ITCH: variants seen among roughly 807,000 people sequenced by gnomAD.
ITCH encodes itchy E3 ubiquitin protein ligase.
Under a neutral mutation model 126.8 loss-of-function variants are expected in ITCH, and 28 were observed. The ratio of observed to expected loss-of-function variants is 0.22; its 90% CI spans 0.16 to 0.30. ITCH has a LOEUF of 0.30. ITCH is among the 10% of genes least tolerant of loss of function. ITCH has a pLI of 1.00. For synonymous variants in ITCH, 342 were observed against 340.0 expected (o/e 1.01, Z -0.06); for missense variants, 631 against 1,032.4 (o/e 0.61, Z 5.33).
chr20:34,456,521 A>C (rs941115536), intron 12 of ITCH, among the ~76,000 whole-genome samples: 10 of 148,562 alleles, frequency 6.7e-5, no homozygotes, highest in Non-Finnish European at 1.3e-4. Flanking sequence ...CAAGTTGTAC[A>C]AGTTGTGGGG....
At chr20:34,439,769 T>C (rs1156672492) in intron 8 of ITCH, among the ~76,000 whole-genome samples, 1 of 152,210 alleles carries the variant, frequency 6.6e-6, no homozygotes, top group Admixed American at 6.5e-5. Context: ...ACATCAAAAA[T>C]TGGTCTGTAA....
intron 12 of ITCH, among the ~76,000 whole-genome samples, chr20:34,453,764 C>T (rs1178936996): frequency 3.9e-5 from 6 of 151,976 alleles, no homozygotes; most frequent in Non-Finnish European, 7.4e-5. Flanking sequence ...GAGGTCGAGG[C>T]GGGTGAATCA....
At chr20:34,449,340 G>C in intron 11 of ITCH, 71 bp from the exon 12 acceptor site, 1 of 889,136 alleles carries the variant, frequency 1.1e-6, no homozygotes, top group Non-Finnish European at 1.9e-6. Context: ...AGGGAAATCA[G>C]AACTCATAAG....
At chr20:34,399,928 T>TA (rs1441262965) in intron 3 of ITCH, among the ~76,000 whole-genome samples, 3 of 151,568 alleles carry the variant, frequency 2.0e-5, no homozygotes, top group African/African-American at 7.3e-5. Flanking sequence ...CTTGACTAAT[T>TA]AAAAAAAATT....
intron 6 of ITCH, among the ~76,000 whole-genome samples, chr20:34,416,771 A>C (rs1211218027): frequency 6.6e-6 from 1 of 151,782 alleles, no homozygotes; most frequent in Admixed American, 6.6e-5. Context: ...CCTACTTTCA[A>C]CTAGTTTAAT....
chr20:34,364,996 T>A (rs2037364320), intron 1 of ITCH, among the ~76,000 whole-genome samples: 1 of 151,344 alleles, frequency 6.6e-6, no homozygotes. Flanking sequence ...GCCCAGGAAT[T>A]GGAGATCAGC....
chr20:34,401,674 G>C, intron 3 of ITCH: 3 of 969,592 alleles, frequency 3.1e-6, no homozygotes, highest in Non-Finnish European at 3.7e-6. Flanking sequence ...GAATCAATCG[G>C]TCCTCCTCAC....
chr20:34,471,715 T>TGTGTGTGTG (rs1568979002), intron 16 of ITCH, among the ~76,000 whole-genome samples, 200 bp downstream of exon 16: 3 of 146,944 alleles, frequency 2.0e-5, no homozygotes, highest in South Asian at 2.2e-4. Context: ...TGTGTGTGTG[T>TGTGTGTGTG]TTCAGGTTTC....
chr20:34,420,875 C>T (rs1215455445), intron 6 of ITCH, among the ~76,000 whole-genome samples: 2 of 152,162 alleles, frequency 1.3e-5, no homozygotes, highest in African/African-American at 4.8e-5. Context: ...ATTTCTTTTG[C>T]TTCTGCTAGT....
intron 11 of ITCH, among the ~76,000 whole-genome samples, chr20:34,447,249 A>G (rs1743934298): frequency 1.3e-5 from 2 of 151,084 alleles, no homozygotes; most frequent in Admixed American, 1.3e-4. Context: ...AATCTGAACA[A>G]TTTTCTGAAA....
chr20:34,443,632 T>A (rs143091882), intron 10 of ITCH, among the ~76,000 whole-genome samples: 3 of 152,282 alleles, frequency 2.0e-5, no homozygotes, highest in African/African-American at 7.2e-5. Context: ...GAAAAGGTAC[T>A]GTTTTAGTTA....
intron 12 of ITCH, among the ~76,000 whole-genome samples, chr20:34,454,800 T>G (rs1264275863): frequency 1.3e-5 from 2 of 151,190 alleles, no homozygotes; most frequent in Admixed American, 1.3e-4. Context: ...TTACCAATTT[T>G]TCTTTTTTCT....
chr20:34,413,557 T>C (rs1045383408), intron 5 of ITCH, among the ~76,000 whole-genome samples, 185 bp from the exon 6 acceptor site: 1 of 152,194 alleles, frequency 6.6e-6, no homozygotes, highest in African/African-American at 2.4e-5. Flanking sequence ...TTGTCCTTTT[T>C]AAAAGATACA....
rs1986466365 is a variant in ITCH at position 34,461,160 on chromosome 20, A to T, written c.1296-933A>T. On this transcript the variant is annotated intron_variant, in intron 13 of 24. Coordinates refer to ENST00000374864, the MANE Select transcript of ITCH (RefSeq NM_031483.7). ...GCTGAGTGGCCTACACTGTGAAATCATGGGATTCATGAAAGGGAGTTAGAG... is the reference window on the plus strand; with the variant it reads ...GCTGAGTGGCCTACACTGTGAAATCTTGGGATTCATGAAAGGGAGTTAGAG... Among the ~76,000 whole-genome samples, 3 of 152,202 alleles carry T rather than the reference A, an allele frequency of 2.0e-5. No individual in the cohort carries two copies. In the South Asian group the frequency reaches 6.2e-4, roughly 32 times the overall value.
chr20:34,479,292 T>A (rs1042103646), intron 17 of ITCH, among the ~76,000 whole-genome samples: 16 of 152,246 alleles, frequency 1.1e-4, no homozygotes, highest in Non-Finnish European at 1.3e-4. Context: ...TTTCATTGAT[T>A]CTAAGACTAA....
chr20:34,440,137 T>TC lies in ITCH; in HGVS notation c.680-14dup. ...AAAATGAAAGATTCTTTTCCTATTT[T>TC]CCCCAAATCTTTTATAGCATCTGTC... is the stretch of plus-strand genomic sequence containing the variant. On this transcript the variant is annotated splice_polypyrimidine_tract_variant and intron_variant, in intron 8 of 24. Transcript: ENST00000374864. The TC allele has an allele frequency of 6.3e-7, 1 of 1,575,234 alleles. No homozygotes were observed. The highest frequency in any genetic ancestry group is 8.7e-7 in the Non-Finnish European group (1 of 1,144,892).
Position 34,492,551 on chromosome 20 carries a change from T to C in ITCH, c.2370T>C (p.Val790=), listed in dbSNP as rs538159876. 7 of 1,613,534 alleles carry C rather than the reference T, an allele frequency of 4.3e-6. No homozygotes were observed. The South Asian group carries it at 5.5e-5, about 13-fold the overall frequency. Residue 790 remains valine (V), a synonymous_variant, in exon 23 of 25, where the codon GTT becomes GTC. Transcript: ENST00000374864. The part of the protein sequence containing the change: ...NEKRMRLLQF[V]TGTCRLPVGG... ...AGAGAATGAGACTTCTGCAGTTTGT[T>C]ACTGGAACCTGCCGATTGCCAGTAG...
intron 16 of ITCH, chr20:34,476,430 C>T (rs945893326): frequency 1.8e-5 from 22 of 1,227,808 alleles, no homozygotes; most frequent in Admixed American, 4.3e-5. Flanking sequence ...CGCCGAGGAC[C>T]GCAGAAGCGG....
chr20:34,475,960 A>T, intron 16 of ITCH: 2 of 1,573,430 alleles, frequency 1.3e-6, no homozygotes, highest in Non-Finnish European at 1.7e-6. Flanking sequence ...ATTGTCTGGC[A>T]TCAGCCACTG....
Sources: allele counts gnomAD v4.1 joint callset (sites outside exome capture counted in the v4.1 genomes callset), GRCh38; gene constraint gnomAD v4.1.1; transcripts MANE v1.5; gene names NCBI Gene and HGNC (gene_info 2026-07-23, HGNC 2026-07-21).